The following RILPL1 variants were observed in gnomAD, a reference collection of about 807,000 sequenced individuals.
RILPL1 encodes the protein Rab interacting lysosomal protein like 1, also known as RILP-like protein 1.
A neutral mutation model predicts 50.3 loss-of-function variants in RILPL1; 33 were observed. That is an observed-to-expected ratio of 0.66 (90% CI 0.50 to 0.88). RILPL1 has a LOEUF of 0.88. RILPL1 is among the 40% of genes least tolerant of loss of function. RILPL1 has a pLI of 0.00. For synonymous variants in RILPL1, 205 were observed against 228.6 expected, an observed-to-expected ratio of 0.90 and a Z score of 0.93; for missense variants, 418 against 542.5, an observed-to-expected ratio of 0.77 and a Z score of 2.28.
chr12:123,499,606 C>T lies in RILPL1; in HGVS notation c.461-70G>A. 4 of 1,214,810 alleles carry T rather than the reference C, an allele frequency of 3.3e-6. No homozygotes were observed. In the South Asian group the frequency reaches 4.9e-5, roughly 15 times the overall value. The allele number at this position is 1,214,810 out of a possible 1,614,324, so 75.3% of individuals were successfully genotyped here. A position where few individuals can be genotyped will look rare whatever the true frequency, so the allele number is the denominator to read the frequency against. On this transcript the variant is annotated intron_variant, in intron 2 of 6. Transcript: ENST00000376874. ...ATGTTGAAATCATCCACCACTTCTGCTGAGGATGAAACTGAGGTCTTAGTG... is the reference window on the plus strand; with the variant it reads ...ATGTTGAAATCATCCACCACTTCTGTTGAGGATGAAACTGAGGTCTTAGTG...
chr12:123,472,765 A>G (rs1881283094), intron 6 of RILPL1, 83 bp from the exon 7 acceptor site: 1 of 1,447,694 alleles, frequency 6.9e-7, no homozygotes, highest in Non-Finnish European at 9.4e-7. Context: ...GGAGACATAT[A>G]GCAGCAAACT....
At chr12:123,508,868 C>CA (rs1230619514) in intron 2 of RILPL1, among the ~76,000 whole-genome samples, 57 of 144,618 alleles carry the variant, frequency 3.9e-4, no homozygotes, top group Admixed American at 5.6e-4. Flanking sequence ...CCCTCATCTC[C>CA]AAAAAAAAAA....
chr12:123,484,861 T>C (rs1882226923), intron 5 of RILPL1: 1 of 258,266 alleles, frequency 3.9e-6, no homozygotes, highest in Non-Finnish European at 7.9e-6. Flanking sequence ...GGTCCCACTA[T>C]GTTGCCCAGG....
At chr12:123,523,360 C>T in intron 2 of RILPL1, 135 bp downstream of exon 2, 2 of 1,015,970 alleles carry the variant, frequency 2.0e-6, no homozygotes, top group Non-Finnish European at 2.9e-6. Flanking sequence ...CAAATCAACA[C>T]AATACAGAAG....
Position 123,485,122 on chromosome 12 carries a change from A to C in RILPL1, c.974+511T>G. The C allele has an allele frequency of 2.2e-6, 1 of 456,074 alleles. No homozygotes were observed. The highest frequency in any genetic ancestry group is 4.4e-6 in the Non-Finnish European group (1 of 226,846). 28.3% of individuals were successfully genotyped at this position (456,074 alleles called of 1,614,324 possible). On this transcript the variant is annotated intron_variant, in intron 5 of 6. Coordinates refer to ENST00000376874, the MANE Select transcript of RILPL1 (RefSeq NM_178314.5). The surrounding 1 kb of genome is among the most constrained non-coding windows in gnomAD (Gnocchi z 4.0). ...TCTATTCAACAGATATTTGTTGTGC[A>C]CCTACTGTGTGCCAAGCTCCATTCT... is the stretch of plus-strand genomic sequence containing the variant.
chr12:123,528,584 C>T (rs962312174), intron 1 of RILPL1, among the ~76,000 whole-genome samples: 13 of 151,818 alleles, frequency 8.6e-5, no homozygotes, highest in Admixed American at 7.2e-4. Context: ...CCCGCCACCA[C>T]GCCCGGCTAA....
intron 2 of RILPL1, among the ~76,000 whole-genome samples, chr12:123,520,822 T>C (rs1249850149): frequency 1.3e-5 from 2 of 152,206 alleles, no homozygotes; most frequent in African/African-American, 2.4e-5. Flanking sequence ...AAGGAATGCA[T>C]GGCAGGCCTC....
intron 6 of RILPL1, among the ~76,000 whole-genome samples, chr12:123,478,860 G>A (rs532635946): frequency 2.0e-4 from 31 of 152,336 alleles, no homozygotes; most frequent in Non-Finnish European, 4.1e-4. Flanking sequence ...CACTGGGGAC[G>A]AGGCTGAAGT....
rs114801958 is a variant in RILPL1 at position 123,528,781 on chromosome 12, A to G, written c.309+4393T>C. Among the ~76,000 whole-genome samples the G allele has an allele frequency of 6.3e-3, 957 of 152,022 alleles. 16 individuals are homozygous for G. The highest frequency in any genetic ancestry group is 0.021 in the African/African-American group (850 of 41,460). On this transcript the variant is annotated intron_variant, in intron 1 of 6. Transcript: ENST00000376874. ...GGGAATGAATACAGACTTTAACCCT[A>G]AATTCTTTTTTTTTCTTCTCTCAAC... is the stretch of plus-strand genomic sequence containing the variant.
rs1300049629 is a variant in RILPL1 at position 123,489,800 on chromosome 12, TTAG to T, written c.802-3998_802-3996del. ...AGGAGTTCACCAGGAACTCTGGGCA[TTAG>T]TAGTATAGATCAGAGGTTGCAAACT... On this transcript the variant is annotated intron_variant, in intron 4 of 6. Transcript: ENST00000376874. This position sits in a 1 kb window ranked among gnomAD's most constrained non-coding sequence, Gnocchi z 4.0. 2.6e-5 allele frequency among the ~76,000 whole-genome samples: 4 copies of T among 152,150 alleles called. No homozygotes were observed. Among genetic ancestry groups the T allele is most frequent in the East Asian group, 1.9e-4 (1 of 5,176 alleles).
At chr12:123,490,476 A>G (rs1204750076) in intron 4 of RILPL1, among the ~76,000 whole-genome samples, 1 of 152,174 alleles carries the variant, frequency 6.6e-6, no homozygotes, top group Admixed American at 6.5e-5. Flanking sequence ...GGGCTTCCTT[A>G]GAACCTGAGT....
At chr12:123,487,284 T>C (rs951693860) in intron 4 of RILPL1, among the ~76,000 whole-genome samples, 2 of 151,836 alleles carry the variant, frequency 1.3e-5, no homozygotes, top group African/African-American at 2.4e-5. Flanking sequence ...TTCATCCACG[T>C]TGCAGCACAC....
chr12:123,504,242 A>G (rs547552887), intron 2 of RILPL1, among the ~76,000 whole-genome samples: 2 of 152,124 alleles, frequency 1.3e-5, no homozygotes, highest in East Asian at 3.9e-4. Flanking sequence ...AGCCCCCGGG[A>G]CTCAGGACAT....
rs1884294135 is a variant in RILPL1 at position 123,511,940 on chromosome 12, T to TG, written c.460+11554_460+11555insC. On this transcript the variant is annotated intron_variant, in intron 2 of 6. Coordinates refer to ENST00000376874, the MANE Select transcript of RILPL1 (RefSeq NM_178314.5). ...TGTGTCTGTGTGTGGTGTGTGAGGT[T>TG]TGTGTGTGTGTGTGGTGTGAGATCT... Among the ~76,000 whole-genome samples, 38 of 48,874 alleles carry TG rather than the reference T, an allele frequency of 7.8e-4. 1 individual carries two copies. The highest frequency in any genetic ancestry group is 2.9e-3 in the South Asian group (3 of 1,034). 32.1% of individuals were successfully genotyped at this position (48,874 alleles called of 152,430 possible).
At chr12:123,488,287 G>T (rs1343267267) in intron 4 of RILPL1, among the ~76,000 whole-genome samples, 10 of 150,744 alleles carry the variant, frequency 6.6e-5, no homozygotes, top group Non-Finnish European at 1.5e-5. Flanking sequence ...AAAAAGAAAA[G>T]AAAATTAACT....
In RILPL1 at chr12:123,521,551, GTGTATA is replaced by G. The variant is rs1885005460; in HGVS notation, c.460+1938_460+1943del. On this transcript the variant is annotated intron_variant, in intron 2 of 6. Transcript: ENST00000376874. The stretch of plus-strand genomic sequence containing the variant: ...TATATAAATATATGTATATATATGT[GTGTATA>G]TATATTAATATATATACACACATAT... Among the ~76,000 whole-genome samples, 14 of 47,962 alleles carry G rather than the reference GTGTATA, an allele frequency of 2.9e-4. No homozygotes were observed. In the South Asian group the frequency reaches 1.0e-2, roughly 34 times the overall value. The allele number at this position is 47,962 out of a possible 152,430, so 31.5% of individuals were successfully genotyped here.
At chr12:123,479,193 C>T (rs920298441) in intron 6 of RILPL1, among the ~76,000 whole-genome samples, 2 of 152,106 alleles carry the variant, frequency 1.3e-5, no homozygotes, top group African/African-American at 2.4e-5. Flanking sequence ...CAGTGGGCTT[C>T]TCTGGGCCTC....
chr12:123,472,358 T>C lies in RILPL1; in HGVS notation c.*180A>G. 1.6e-6 allele frequency: 1 copy of C among 613,706 alleles called. No individual in the cohort carries two copies. Among genetic ancestry groups the C allele is most frequent in the Non-Finnish European group, 2.8e-6 (1 of 353,600 alleles). The allele number at this position is 613,706 out of a possible 1,614,324, so 38.0% of individuals were successfully genotyped here. A position where few individuals can be genotyped will look rare whatever the true frequency, so the allele number is the denominator to read the frequency against. ...AGCCCTGGGTATAAATAAACATTTC[T>C]TTAGAGTTTGGCGTCAGTTTTTCAA... On this transcript the variant is annotated 3_prime_UTR_variant, in exon 7 of 7. Coordinates refer to ENST00000376874, the MANE Select transcript of RILPL1 (RefSeq NM_178314.5).
rs189317305 is a variant in RILPL1, at chr12:123,470,907, A to C, written c.*1631T>G. On this transcript the variant is annotated 3_prime_UTR_variant, in exon 7 of 7. Coordinates refer to ENST00000376874, the MANE Select transcript of RILPL1 (RefSeq NM_178314.5). ...GAAATTCATCAGTATACCTGCTTCT[A>C]TACTCTTTGAGAATAAATTCTAATA... 1 of 152,284 alleles carries C rather than the reference A, an allele frequency of 6.6e-6. No individual in the cohort carries two copies. The highest frequency in any genetic ancestry group is 1.9e-4 in the East Asian group (1 of 5,186). 9.4% of individuals were successfully genotyped at this position (152,284 alleles called of 1,614,324 possible). A position where few individuals can be genotyped will look rare whatever the true frequency, so the allele number is the denominator to read the frequency against.
Sources: allele counts gnomAD v4.1 joint callset (sites outside exome capture counted in the v4.1 genomes callset), GRCh38; gene constraint gnomAD v4.1.1; non-coding constraint Gnocchi (gnomAD v3.1); transcripts MANE v1.5; gene names NCBI Gene and HGNC (gene_info 2026-07-23, HGNC 2026-07-21).